SLC15A1: variants seen among roughly 807,000 people sequenced by gnomAD.
SLC15A1 encodes solute carrier family 15 member 1, also known as Caco-2 oligopeptide transporter.
SLC15A1 carries 83 observed loss-of-function variants against 92.9 expected under a neutral mutation model. That is an observed-to-expected ratio of 0.89 (90% confidence interval 0.75 to 1.07). The LOEUF is 1.07. Ranked by LOEUF, SLC15A1 falls within the 50% of genes least tolerant of loss-of-function variation. The pLI is 0.00. For missense variants in SLC15A1, 857 were observed against 880.1 expected, an observed-to-expected ratio of 0.97 and a Z score of 0.33; for synonymous variants, 322 against 318.2, an observed-to-expected ratio of 1.01 and a Z score of -0.13.
chr13:98,706,511 G>A (rs895978795), intron 15 of SLC15A1, among the ~76,000 whole-genome samples: 3 of 152,152 alleles, frequency 2.0e-5, no homozygotes, highest in African/African-American at 7.2e-5. Flanking sequence ...CATAATTCCC[G>A]GGTGTTGTGG....
At chr13:98,724,706 C>T (rs1027149056) in intron 4 of SLC15A1, among the ~76,000 whole-genome samples, 2 of 152,060 alleles carry the variant, frequency 1.3e-5, no homozygotes, top group Non-Finnish European at 2.9e-5. Context: ...ATCTCCTGAC[C>T]TTGTGATCCA....
intron 18 of SLC15A1, among the ~76,000 whole-genome samples, chr13:98,690,622 CCGAGTAACTTAATGATGGGGAT>C (rs1172048716): frequency 1.3e-5 from 2 of 152,124 alleles, no homozygotes; most frequent in South Asian, 2.1e-4. Context: ...AAAACACAGT[CCGAGTAACTTAATGATGGGGAT>C]GGGGTCTGGG....
intron 1 of SLC15A1, among the ~76,000 whole-genome samples, chr13:98,728,996 AAAAAAAAAAAC>A (rs1386479847): frequency 1.0e-4 from 15 of 146,448 alleles, no homozygotes; most frequent in Middle Eastern, 3.5e-3. Context: ...AAAAAAAAAA[AAAAAAAAAAAC>A]AACAAGCCCC....
intron 8 of SLC15A1, 50 bp downstream of exon 8, chr13:98,719,187 G>C (rs763175809): frequency 3.7e-6 from 5 of 1,346,172 alleles, no homozygotes; most frequent in Non-Finnish European, 5.3e-6. Flanking sequence ...CATTCACGTA[G>C]GGCCTGACCT....
intron 22 of SLC15A1, 102 bp from the exon 23 acceptor site, chr13:98,685,017 G>A: frequency 9.6e-7 from 1 of 1,043,754 alleles, no homozygotes; most frequent in Non-Finnish European, 1.4e-6. Flanking sequence ...TGCAGATGGA[G>A]AGTGCTTTGA....
intron 1 of SLC15A1, among the ~76,000 whole-genome samples, chr13:98,750,451 C>G (rs2088534998): frequency 6.6e-6 from 1 of 152,116 alleles, no homozygotes. Context: ...GTTGTGGATT[C>G]TCCTTGCCTC....
chr13:98,689,901 G>A lies in SLC15A1; in HGVS notation c.1467-1324C>T, dbSNP rs142537918. ...AGGCTTCCTATCTCTACAAAGTCCC[G>A]TGAGGCTACGCTTCATATGGAAGCA... is the stretch of plus-strand genomic sequence containing the variant. On this transcript the variant is annotated intron_variant, in intron 18 of 22. Coordinates refer to ENST00000376503, the MANE Select transcript of SLC15A1 (RefSeq NM_005073.4). Among the ~76,000 whole-genome samples the A allele has an allele frequency of 5.7e-3, 870 of 152,290 alleles. 14 individuals are homozygous for A. The highest frequency in any genetic ancestry group is 5.3e-3 in the Non-Finnish European group (359 of 68,026).
intron 1 of SLC15A1, among the ~76,000 whole-genome samples, chr13:98,743,437 C>T (rs1039444235): frequency 1.3e-5 from 2 of 152,176 alleles, no homozygotes; most frequent in Non-Finnish European, 2.9e-5. Context: ...TCTTTGAACG[C>T]CATTCCTGTC....
At chr13:98,718,740 C>T (rs1272545637) in intron 8 of SLC15A1, among the ~76,000 whole-genome samples, 4 of 152,096 alleles carry the variant, frequency 2.6e-5, no homozygotes, top group East Asian at 1.9e-4. Flanking sequence ...ACCCAGGAGG[C>T]GGAGGTTGCA....
At position 98,726,410 on chromosome 13, in the gene SLC15A1, C is replaced by T. The variant is rs8187818; in HGVS notation, c.61G>A (p.Val21Ile). 2.9e-4 allele frequency: 475 copies of T among 1,614,074 alleles called. 1 individual carries two copies. In the African/African-American group the frequency reaches 5.3e-3, roughly 18 times the overall value. The stretch of plus-strand genomic sequence containing the variant: ...GAAAATCTTTCGCAAAACTCATTGA[C>T]CACGATGAAGAAGATGCTCAGGGGA... Reference protein sequence around the residue: ...GYPLSIFFIVVNEFCERFSYY... With the variant: ...GYPLSIFFIVINEFCERFSYY... Residue 21 changes from valine to isoleucine, a missense_variant, in exon 3 of 23, where the codon GTC becomes ATC. Val to Ile is a conservative substitution (Grantham distance 29). Transcript: ENST00000376503.
chr13:98,704,515 C>A, intron 16 of SLC15A1, 80 bp from the exon 17 acceptor site: 2 of 1,359,578 alleles, frequency 1.5e-6, no homozygotes, highest in South Asian at 2.8e-5. Context: ...GAGCAGTTAT[C>A]TGATATTCTG....
chr13:98,687,858 A>G (rs1434285715), intron 20 of SLC15A1, 134 bp from the exon 21 acceptor site: 3 of 1,046,126 alleles, frequency 2.9e-6, no homozygotes, highest in Non-Finnish European at 4.1e-6. Flanking sequence ...TTTAAACATA[A>G]GGCAACACTG....
In SLC15A1 at chr13:98,687,583, G is replaced by A; in HGVS notation, c.1825C>T (p.Gln609Ter). Residue 609 changes from glutamine (Q) to a stop codon, truncating the protein, a stop_gained and splice_region_variant, in exon 21 of 23, where the codon CAG (glutamine) becomes TAG (stop). Transcript: ENST00000376503. LOFTEE classifies it high-confidence loss of function. ...SVTGLEFSYSQAPSNMKSVLQ... is the reference protein window; with the variant it reads ...SVTGLEFSYS ...GGTAAATACAACAAACAAGAAACCTGAGAATATGAGAATTCCAATCCCGTG... is the reference window on the plus strand; with the variant it reads ...GGTAAATACAACAAACAAGAAACCTAAGAATATGAGAATTCCAATCCCGTG... The A allele has an allele frequency of 6.2e-7, 1 of 1,613,922 alleles. No individual in the cohort carries two copies.
intron 5 of SLC15A1, among the ~76,000 whole-genome samples, chr13:98,723,321 T>C (rs1157257187): frequency 5.9e-5 from 9 of 152,154 alleles, no homozygotes; most frequent in Admixed American, 5.9e-4. Flanking sequence ...TCCCAGCTCA[T>C]TAGATAGTTT....
At chr13:98,748,084 C>A (rs947784983) in intron 1 of SLC15A1, among the ~76,000 whole-genome samples, 2 of 152,164 alleles carry the variant, frequency 1.3e-5, no homozygotes, top group Non-Finnish European at 2.9e-5. Flanking sequence ...TCATTTTCCT[C>A]AACTCTAACT....
intron 1 of SLC15A1, among the ~76,000 whole-genome samples, chr13:98,729,949 G>A (rs1368458329): frequency 2.6e-5 from 4 of 151,876 alleles, no homozygotes; most frequent in Admixed American, 6.6e-5. Flanking sequence ...AGGGCCGGGC[G>A]TGGTAGCTCA....
intron 1 of SLC15A1, among the ~76,000 whole-genome samples, chr13:98,728,532 G>A (rs779943249): frequency 6.6e-6 from 1 of 152,120 alleles, no homozygotes; most frequent in Non-Finnish European, 1.5e-5. Context: ...GTAGTAGTGG[G>A]TAGAATGGTG....
Position 98,744,711 on chromosome 13 carries a change from T to C in SLC15A1, c.4+7884A>G, listed in dbSNP as rs192020200. ...TTGCAGTGAGCCGAGATCGCGCCAC[T>C]GCACTCCAGCCTGGGCGACAGAGCA... is the stretch of plus-strand genomic sequence containing the variant. On this transcript the variant is annotated intron_variant, in intron 1 of 22. Transcript: ENST00000376503. Among the ~76,000 whole-genome samples the C allele has an allele frequency of 1.5e-3, 185 of 127,278 alleles. 1 individual carries two copies. Among genetic ancestry groups the C allele is most frequent in the African/African-American group, 5.4e-3 (178 of 32,698 alleles). The allele number at this position is 127,278 out of a possible 152,430, so 83.5% of individuals were successfully genotyped here. A position where few individuals can be genotyped will look rare whatever the true frequency, so the allele number is the denominator to read the frequency against.
At chr13:98,708,485 T>C (rs990876274) in intron 15 of SLC15A1, among the ~76,000 whole-genome samples, 12 of 152,188 alleles carry the variant, frequency 7.9e-5, no homozygotes, top group Non-Finnish European at 2.9e-5. Context: ...AAGCTACTTA[T>C]GTAAGCCTTT....
Sources: gnomAD v4.1 joint callset for allele counts (sites outside exome capture counted in the v4.1 genomes callset) on GRCh38, gnomAD v4.1.1 for gene constraint, MANE v1.5 for transcripts, NCBI Gene and HGNC (gene_info 2026-07-23, HGNC 2026-07-21) for gene names.